The following PTPRF variants were observed in gnomAD, a reference collection of about 807,000 sequenced individuals.
PTPRF encodes receptor-type tyrosine-protein phosphatase F.
In PTPRF, 59 loss-of-function variants were observed where a neutral mutation model predicts 201.8. That is an observed-to-expected ratio of 0.29 (90% confidence interval 0.24 to 0.36). PTPRF has a LOEUF of 0.36. Ranked by LOEUF, PTPRF falls within the 10% of genes least tolerant of loss-of-function variation. PTPRF has a pLI of 1.00. For synonymous variants in PTPRF, 1,088 were observed against 1,089.7 expected, an observed-to-expected ratio of 1.00 and a Z score of 0.03; for missense variants, 2,132 against 2,690.5, an observed-to-expected ratio of 0.79 and a Z score of 4.59.
Position 43,608,671 on chromosome 1 carries a change from G to A in PTPRF, c.3858-712G>A, listed in dbSNP as rs145973130. ...CTCTGAGAAGTTGCCTAAGTGCTGCGAGAGACAGTCTCGCACAGAGCAAAG... is the reference window on the plus strand; with the variant it reads ...CTCTGAGAAGTTGCCTAAGTGCTGCAAGAGACAGTCTCGCACAGAGCAAAG... On this transcript the variant is annotated intron_variant, in intron 21 of 33. Coordinates refer to ENST00000359947, the MANE Select transcript of PTPRF (RefSeq NM_002840.5). Among the ~76,000 whole-genome samples the A allele has an allele frequency of 3.2e-3, 480 of 152,346 alleles. 12 individuals are homozygous for A. Among genetic ancestry groups the A allele is most frequent in the Admixed American group, 0.028 (436 of 15,308 alleles).
intron 6 of PTPRF, among the ~76,000 whole-genome samples, chr1:43,572,694 C>T (rs1304089061): frequency 2.0e-5 from 3 of 152,158 alleles, no homozygotes; most frequent in South Asian, 2.1e-4. Flanking sequence ...TACGCATCAC[C>T]GACAGTTTAC....
rs1346386152 is a variant in PTPRF at position 43,546,841 on chromosome 1, A to AT, written c.91+1676dup. Among the ~76,000 whole-genome samples, 1 of 152,072 alleles carries AT rather than the reference A, an allele frequency of 6.6e-6. No individual in the cohort carries two copies. The highest frequency in any genetic ancestry group is 1.5e-5 in the Non-Finnish European group (1 of 68,004). On this transcript the variant is annotated intron_variant, in intron 3 of 33. Coordinates refer to ENST00000359947, the MANE Select transcript of PTPRF (RefSeq NM_002840.5). The surrounding 1 kb of genome is among the most constrained non-coding windows in gnomAD (Gnocchi z 4.2). ...TCCTCCAGCCTCCTCCCTCCGTGAT[A>AT]TCCCACATCTAATCCATCACCAAGC... is the stretch of plus-strand genomic sequence containing the variant.
At chr1:43,582,094 G>T (rs937550561) in intron 7 of PTPRF, among the ~76,000 whole-genome samples, 1 of 152,210 alleles carries the variant, frequency 6.6e-6, no homozygotes, top group Non-Finnish European at 1.5e-5. Context: ...CTCCTCATCA[G>T]ACTTGGCTTC....
chr1:43,568,653 G>C (rs1254804648), intron 5 of PTPRF, among the ~76,000 whole-genome samples: 1 of 152,218 alleles, frequency 6.6e-6, no homozygotes, highest in Non-Finnish European at 1.5e-5. Context: ...TCCTGAGCCT[G>C]TCCTGGACTT....
chr1:43,595,466 C>T (rs1454917387), intron 11 of PTPRF, among the ~76,000 whole-genome samples: 4 of 152,176 alleles, frequency 2.6e-5, no homozygotes, highest in Non-Finnish European at 5.9e-5. Flanking sequence ...GTGATCCGCC[C>T]GCCTCGACCT....
chr1:43,549,929 G>A (rs557158201), intron 3 of PTPRF, among the ~76,000 whole-genome samples: 6 of 152,232 alleles, frequency 3.9e-5, no homozygotes, highest in Non-Finnish European at 7.4e-5. Context: ...AGAGGGGAAC[G>A]GAGAGAGGAA....
chr1:43,581,061 C>T (rs534602485), intron 7 of PTPRF, among the ~76,000 whole-genome samples: 10 of 152,350 alleles, frequency 6.6e-5, no homozygotes, highest in African/African-American at 2.4e-4. Flanking sequence ...CTTTGGAGAT[C>T]GACTGAGCTC....
intron 7 of PTPRF, among the ~76,000 whole-genome samples, chr1:43,584,921 C>A (rs1345886741): frequency 6.6e-6 from 1 of 152,192 alleles, no homozygotes; most frequent in African/African-American, 2.4e-5. Flanking sequence ...AATGCTGATG[C>A]CTCTGGGCGC....
chr1:43,535,575 G>C (rs1372785579), intron 1 of PTPRF, among the ~76,000 whole-genome samples: 1 of 152,160 alleles, frequency 6.6e-6, no homozygotes, highest in Non-Finnish European at 1.5e-5. Context: ...CCAGAGGGCA[G>C]CTGTGCCTGC....
chr1:43,537,306 C>T lies in PTPRF; in HGVS notation c.-125-892C>T, dbSNP rs904529644. ...CCAGCGGAGGAGGCATCCAGGGGCA[C>T]GCCTTCATTTTAAAAATTATAGAGT... On this transcript the variant is annotated intron_variant, in intron 1 of 33. Transcript: ENST00000359947. This position sits in a 1 kb window ranked among gnomAD's most constrained non-coding sequence, Gnocchi z 4.8. 4.6e-5 allele frequency among the ~76,000 whole-genome samples: 7 copies of T among 152,188 alleles called. No individual in the cohort carries two copies. Among genetic ancestry groups the T allele is most frequent in the African/African-American group, 9.6e-5 (4 of 41,452 alleles).
At chr1:43,587,919 G>A (rs984957791) in intron 7 of PTPRF, among the ~76,000 whole-genome samples, 8 of 152,162 alleles carry the variant, frequency 5.3e-5, no homozygotes, top group African/African-American at 1.9e-4. Context: ...TCTGGTCAGG[G>A]GAGTCCAAGG....
chr1:43,577,841 G>A (rs2153996647), intron 6 of PTPRF, among the ~76,000 whole-genome samples: 1 of 152,344 alleles, frequency 6.6e-6, no homozygotes, highest in African/African-American at 2.4e-5. Flanking sequence ...GATTGTTCCA[G>A]GGAGGGGTGT....
At position 43,622,958 on chromosome 1, in the gene PTPRF, C is replaced by T. The variant is rs1452460366; in HGVS notation, c.*955C>T. The stretch of plus-strand genomic sequence containing the variant: ...AAACCCTCAAGAGGGGAAGCAACTC[C>T]GTGTGCCTGGGGTTCCCGAGGGAGC... On this transcript the variant is annotated 3_prime_UTR_variant, in exon 34 of 34. Coordinates refer to ENST00000359947, the MANE Select transcript of PTPRF (RefSeq NM_002840.5). 2 of 152,598 alleles carry T rather than the reference C, an allele frequency of 1.3e-5. No homozygotes were observed. Among genetic ancestry groups the T allele is most frequent in the East Asian group, 1.9e-4 (1 of 5,192 alleles). The allele number at this position is 152,598 out of a possible 1,614,324, so 9.5% of individuals were successfully genotyped here.
upstream of PTPRF, among the ~76,000 whole-genome samples, chr1:43,524,170 C>T (rs746335433): frequency 7.9e-5 from 12 of 151,404 alleles, no homozygotes; most frequent in African/African-American, 2.4e-4. Context: ...GCTGTGAGTA[C>T]GCAAAGGCAT....
Position 43,602,098 on chromosome 1 carries a change from G to T in PTPRF, c.2340+1G>T. The T allele has an allele frequency of 1.2e-6, 2 of 1,613,296 alleles. No individual in the cohort carries two copies. The highest frequency in any genetic ancestry group is 1.7e-6 in the Non-Finnish European group (2 of 1,179,224). ...GCGGCCAGAGGAGTCCGAGGACTAT[G>T]TAAGTAACAGGTGTGCGAACGCGGA... On this transcript the variant is annotated splice_donor_variant, in intron 14 of 33. Coordinates refer to ENST00000359947, the MANE Select transcript of PTPRF (RefSeq NM_002840.5). LOFTEE classifies it high-confidence loss of function.
intron 12 of PTPRF, 192 bp downstream of exon 12, chr1:43,598,245 T>C: frequency 1.8e-6 from 1 of 567,894 alleles, no homozygotes; most frequent in South Asian, 3.6e-5. Context: ...TGGGGCTGTC[T>C]CCAAAGCAGC....
At chr1:43,595,110 A>C (rs537563338) in intron 11 of PTPRF, among the ~76,000 whole-genome samples, 1 of 152,324 alleles carries the variant, frequency 6.6e-6, no homozygotes, top group African/African-American at 2.4e-5. Flanking sequence ...TGGAGGCAGC[A>C]AGCCTAGACG....
At chr1:43,572,298 C>T (rs547162296) in intron 6 of PTPRF, among the ~76,000 whole-genome samples, 2 of 152,330 alleles carry the variant, frequency 1.3e-5, no homozygotes, top group African/African-American at 4.8e-5. Context: ...TGAACTTGAC[C>T]TTTGGCACTT....
chr1:43,567,688 C>T (rs1646277956), intron 5 of PTPRF, among the ~76,000 whole-genome samples: 2 of 152,220 alleles, frequency 1.3e-5, no homozygotes, highest in Non-Finnish European at 2.9e-5. Context: ...TACCCGCCCC[C>T]CAGTCGCTCT....
Sources: gnomAD v4.1 joint callset for allele counts (sites outside exome capture counted in the v4.1 genomes callset) on GRCh38, gnomAD v4.1.1 for gene constraint, Gnocchi (gnomAD v3.1) non-coding constraint, MANE v1.5 for transcripts, NCBI Gene and HGNC (gene_info 2026-07-23, HGNC 2026-07-21) for gene names.